The following FBN1 variants were observed in gnomAD, a reference collection of about 807,000 sequenced individuals.
FBN1 encodes fibrillin-1.
In FBN1, 29 loss-of-function variants were observed where a neutral mutation model predicts 365.1. The observed-to-expected ratio is 0.08, with a 90% CI of 0.06 to 0.11. The LOEUF is 0.11. Ranked by LOEUF, FBN1 falls within the 10% of genes least tolerant of loss-of-function variation. The pLI is 1.00. For missense variants in FBN1, 2,476 were observed against 3,703.2 expected (o/e 0.67, Z 8.60); for synonymous variants, 1,210 against 1,270.5 (o/e 0.95, Z 1.01).
At chr15:48,475,092 T>G (rs2043408752) in intron 32 of FBN1, among the ~76,000 whole-genome samples, 1 of 152,082 alleles carries the variant, frequency 6.6e-6, no homozygotes, top group African/African-American at 2.4e-5. Context: ...ATTAGAAAAT[T>G]TTTGCATTAT....
intron 2 of FBN1, among the ~76,000 whole-genome samples, chr15:48,625,706 A>G (rs1416964924): frequency 6.6e-6 from 1 of 152,220 alleles, no homozygotes; most frequent in Non-Finnish European, 1.5e-5. Flanking sequence ...TCAGTGAGCT[A>G]TTTCTAGCAC....
At chr15:48,469,089 TATATAAAATATAATATATATTAC>T (rs56822330) in intron 36 of FBN1, among the ~76,000 whole-genome samples, 2,617 of 106,718 alleles carry the variant, frequency 0.025, 162 homozygotes, top group East Asian at 0.23. Flanking sequence ...AATATATATA[TATATAAAATATAATATATATTAC>T]ATATATATAT....
rs764823572 is a variant in FBN1, at chr15:48,427,780, G to A, written c.6998-7C>T. On this transcript the variant is annotated splice_polypyrimidine_tract_variant and splice_region_variant and intron_variant, in intron 57 of 65. Coordinates refer to ENST00000316623, the MANE Select transcript of FBN1 (RefSeq NM_000138.5). ...CAGTACCCTTCCCGATTGTCTGGAA[G>A]GGACATTATATGGCAAAGGGGATGT... is the stretch of plus-strand genomic sequence containing the variant. 6.2e-6 allele frequency: 10 copies of A among 1,612,714 alleles called. No individual in the cohort carries two copies. In the East Asian group the frequency reaches 2.2e-4, roughly 36 times the overall value.
intron 6 of FBN1, among the ~76,000 whole-genome samples, chr15:48,579,232 G>A (rs916674733): frequency 6.6e-6 from 1 of 152,020 alleles, no homozygotes; most frequent in African/African-American, 2.4e-5. Flanking sequence ...TTAGAGCAGA[G>A]AATAAGAAGT....
chr15:48,605,295 C>T (rs2044598653), intron 4 of FBN1, among the ~76,000 whole-genome samples: 1 of 152,036 alleles, frequency 6.6e-6, no homozygotes, highest in African/African-American at 2.4e-5. Context: ...ACTATGAAAC[C>T]ATCAGAAAAA....
Position 48,456,843 on chromosome 15 carries a change from C to CGTGCGTGTGTGTGT in FBN1, c.5297-82_5297-81insACACACACACGCAC, listed in dbSNP as rs6145556. 44 of 744,724 alleles carry CGTGCGTGTGTGTGT rather than the reference C, an allele frequency of 5.9e-5. No individual in the cohort carries two copies. The African/African-American group carries it at 6.3e-4, about 11-fold the overall frequency. The allele number at this position is 744,724 out of a possible 1,614,324, so 46.1% of individuals were successfully genotyped here. A position where few individuals can be genotyped will look rare whatever the true frequency, so the allele number is the denominator to read the frequency against. ...GGTAAGACAAGATGGAAAGTGCGTG[C>CGTGCGTGTGTGTGT]GTGTGTGTGTGTGTGTGTGTGTGTG... On this transcript the variant is annotated intron_variant, in intron 43 of 65. Coordinates refer to ENST00000316623, the MANE Select transcript of FBN1 (RefSeq NM_000138.5).
chr15:48,414,630 C>T (rs2042887791), intron 64 of FBN1, among the ~76,000 whole-genome samples: 1 of 152,008 alleles, frequency 6.6e-6, no homozygotes, highest in African/African-American at 2.4e-5. Flanking sequence ...GGTACAGTGG[C>T]TCTCGCCTGT....
intron 44 of FBN1, among the ~76,000 whole-genome samples, chr15:48,454,389 G>A (rs1566900955): frequency 6.6e-6 from 1 of 152,142 alleles, no homozygotes; most frequent in South Asian, 2.1e-4. Flanking sequence ...TTTGGATAAT[G>A]GATATTGTGT....
At chr15:48,559,380 T>C (rs2044206201) in intron 6 of FBN1, among the ~76,000 whole-genome samples, 1 of 152,168 alleles carries the variant, frequency 6.6e-6, no homozygotes. Context: ...CCAGGAAGTC[T>C]GGCGGGTGGA....
At chr15:48,628,976 A>T (rs1281006136) in intron 2 of FBN1, among the ~76,000 whole-genome samples, 2 of 152,184 alleles carry the variant, frequency 1.3e-5, no homozygotes, top group Non-Finnish European at 2.9e-5. Context: ...AATACAGGGG[A>T]CTGAGAAACA....
At chr15:48,600,384 T>G (rs983540596) in intron 4 of FBN1, 150 bp from the exon 5 acceptor site, 1 of 696,692 alleles carries the variant, frequency 1.4e-6, no homozygotes, top group African/African-American at 1.8e-5. Flanking sequence ...TAATTGAGAA[T>G]GCTAAACATA....
chr15:48,458,653 T>C (rs2043259670), intron 43 of FBN1, among the ~76,000 whole-genome samples: 1 of 152,248 alleles, frequency 6.6e-6, no homozygotes, highest in Non-Finnish European at 1.5e-5. Context: ...CCAGCCATTG[T>C]TAGGTATAAA....
intron 19 of FBN1, among the ~76,000 whole-genome samples, chr15:48,496,455 A>G (rs2043609560): frequency 6.6e-6 from 1 of 152,206 alleles, no homozygotes. Context: ...GCCTAAAGTC[A>G]CTAGGCTATT....
intron 38 of FBN1, among the ~76,000 whole-genome samples, chr15:48,466,496 CCAGGACGGTGATATGTA>C (rs2043323105): frequency 6.6e-6 from 1 of 152,218 alleles, no homozygotes; most frequent in Non-Finnish European, 1.5e-5. Context: ...GTGGTATGCA[CCAGGACGGTGATATGTA>C]CAGGACATGT....
At chr15:48,418,737 A>G (rs1377610726) in intron 63 of FBN1, among the ~76,000 whole-genome samples, 1 of 152,162 alleles carries the variant, frequency 6.6e-6, no homozygotes, top group Non-Finnish European at 1.5e-5. Flanking sequence ...ATTTTACCAA[A>G]ATAGCATTAA....
chr15:48,469,779 G>C (rs2043355872), intron 36 of FBN1, among the ~76,000 whole-genome samples: 1 of 152,046 alleles, frequency 6.6e-6, no homozygotes, highest in Non-Finnish European at 1.5e-5. Flanking sequence ...ATGGAGAGGG[G>C]GACTTCCTGA....
intron 53 of FBN1, among the ~76,000 whole-genome samples, chr15:48,435,827 C>A (rs1185639350): frequency 6.7e-6 from 1 of 149,970 alleles, no homozygotes; most frequent in Admixed American, 6.7e-5. Flanking sequence ...TGCCTTCTAA[C>A]CCATCCACCT....
intron 6 of FBN1, among the ~76,000 whole-genome samples, chr15:48,565,430 A>G (rs1313095013): frequency 1.3e-5 from 2 of 152,152 alleles, no homozygotes; most frequent in African/African-American, 4.8e-5. Flanking sequence ...AAACATTTTC[A>G]TCTGTGTTTT....
At chr15:48,516,420 C>T (rs567899469) in intron 10 of FBN1, 58 bp from the exon 11 acceptor site, 6 of 1,511,158 alleles carry the variant, frequency 4.0e-6, no homozygotes, top group South Asian at 1.1e-5. Context: ...TGATCATAGG[C>T]CCACAGAAGT....
Sources: gnomAD v4.1 joint callset for allele counts (sites outside exome capture counted in the v4.1 genomes callset) on GRCh38, gnomAD v4.1.1 for gene constraint, MANE v1.5 for transcripts, NCBI Gene and HGNC (gene_info 2026-07-23, HGNC 2026-07-21) for gene names.